Variants in ROBO1 observed in about 807,000 individuals in gnomAD.
ROBO1 encodes the protein roundabout guidance receptor 1.
A neutral mutation model predicts 195.9 loss-of-function variants in ROBO1; 149 were observed. The ratio of observed to expected loss-of-function variants is 0.76; its 90% CI spans 0.67 to 0.87. ROBO1 has a LOEUF of 0.87. ROBO1 is among the 40% of genes least tolerant of loss of function. The probability of loss-of-function intolerance (pLI) is 0.00; values close to 1 mark genes in which losing one functional copy is unlikely to be tolerated. For missense variants in ROBO1, 1,933 were observed against 2,068.3 expected (o/e 0.93, Z 1.27); for synonymous variants, 816 against 733.2 (o/e 1.11, Z -1.82).
At chr3:78,691,630 A>G (rs893554485) in intron 8 of ROBO1, among the ~76,000 whole-genome samples, 11 of 152,190 alleles carry the variant, frequency 7.2e-5, no homozygotes, top group African/African-American at 2.4e-4. Flanking sequence ...GTCTGAAAAT[A>G]TGCAAAGATC....
In ROBO1 at chr3:79,615,729, C is replaced by A. The variant is rs1349126721; in HGVS notation, c.-50-25768G>T. On this transcript the variant is annotated intron_variant, in intron 1 of 30. Coordinates refer to ENST00000464233, the MANE Select transcript of ROBO1 (RefSeq NM_002941.4). Reference sequence around the variant, plus strand: ...ATAGATTAGAAAGCCCAGAAGTAGACCCAGACAAATACAGACTCATACATA... The same window carrying A: ...ATAGATTAGAAAGCCCAGAAGTAGAACCAGACAAATACAGACTCATACATA... 2.6e-5 allele frequency among the ~76,000 whole-genome samples: 4 copies of A among 152,078 alleles called. No homozygotes were observed. In the East Asian group the frequency reaches 7.7e-4, roughly 29 times the overall value.
chr3:78,860,326 A>ATATATATATATATATATATATT (rs376853384), intron 4 of ROBO1, among the ~76,000 whole-genome samples: 2 of 93,504 alleles, frequency 2.1e-5, no homozygotes, highest in Non-Finnish European at 4.0e-5. Context: ...ATATATATAT[A>ATATATATATATATATATATATT]TTTTTTTTTT....
chr3:79,626,349 A>T (rs942460802), intron 1 of ROBO1, among the ~76,000 whole-genome samples: 5 of 152,146 alleles, frequency 3.3e-5, no homozygotes, highest in Non-Finnish European at 5.9e-5. Flanking sequence ...AGGCAGGAAT[A>T]TCACTTGAAC....
intron 1 of ROBO1, among the ~76,000 whole-genome samples, chr3:79,667,887 T>C (rs1485524511): frequency 1.3e-5 from 2 of 151,678 alleles, no homozygotes; most frequent in Admixed American, 6.6e-5. Context: ...CAAAAAAAAA[T>C]CTCATTTGGA....
At chr3:79,013,150 A>T (rs2077829083) in intron 3 of ROBO1, among the ~76,000 whole-genome samples, 1 of 152,112 alleles carries the variant, frequency 6.6e-6, no homozygotes, top group Non-Finnish European at 1.5e-5. Flanking sequence ...CCAGAGCCTA[A>T]GAGCAACCAC....
At chr3:78,999,499 T>C (rs1277282798) in intron 3 of ROBO1, among the ~76,000 whole-genome samples, 1 of 151,980 alleles carries the variant, frequency 6.6e-6, no homozygotes, top group Non-Finnish European at 1.5e-5. Flanking sequence ...ATTTGGGTAC[T>C]CATGGACATA....
chr3:79,140,320 A>G (rs2080498184), intron 2 of ROBO1, among the ~76,000 whole-genome samples: 1 of 152,160 alleles, frequency 6.6e-6, no homozygotes, highest in Admixed American at 6.6e-5. Flanking sequence ...ATATTTTGGA[A>G]TCACTACAGC....
chr3:78,793,135 CAA>C (rs34409991), intron 4 of ROBO1, among the ~76,000 whole-genome samples: 281 of 139,100 alleles, frequency 2.0e-3, no homozygotes, highest in Admixed American at 2.4e-3. Context: ...AAAACAAAAC[CAA>C]AAAAAAAAAA....
At chr3:78,841,178 G>A (rs1359743962) in intron 4 of ROBO1, among the ~76,000 whole-genome samples, 1 of 151,948 alleles carries the variant, frequency 6.6e-6, no homozygotes, top group East Asian at 1.9e-4. Flanking sequence ...TTCAAAATAG[G>A]ATAATGAGGA....
intron 4 of ROBO1, chr3:78,938,397 T>C (rs1013145390): frequency 2.7e-5 from 14 of 516,748 alleles, no homozygotes; most frequent in Non-Finnish European, 4.4e-5. Context: ...TAACCAACTG[T>C]GTGTAAATAC....
intron 2 of ROBO1, among the ~76,000 whole-genome samples, chr3:79,510,296 G>C (rs1231415383): frequency 2.6e-5 from 4 of 152,166 alleles, no homozygotes; most frequent in Non-Finnish European, 5.9e-5. Flanking sequence ...ATTATGAGGG[G>C]CTTTGCCCCC....
rs1483693681 is a variant in ROBO1 at position 79,356,088 on chromosome 3, C to G, written c.89-230549G>C. Among the ~76,000 whole-genome samples the G allele has an allele frequency of 3.3e-5, 5 of 152,246 alleles. No individual in the cohort carries two copies. In the East Asian group the frequency reaches 9.7e-4, roughly 29 times the overall value. On this transcript the variant is annotated intron_variant, in intron 2 of 30. Coordinates refer to ENST00000464233, the MANE Select transcript of ROBO1 (RefSeq NM_002941.4). ...AGAAATGGTGGCTCACACTTGTAAT[C>G]CCATTATTTTGGGAGGCCGAGGCAG... is the stretch of plus-strand genomic sequence containing the variant.
chr3:78,844,298 T>G lies in ROBO1; in HGVS notation c.499+94303A>C, dbSNP rs187062787. Among the ~76,000 whole-genome samples, 7 of 152,282 alleles carry G rather than the reference T, an allele frequency of 4.6e-5. No homozygotes were observed. In the East Asian group the frequency reaches 7.7e-4, roughly 17 times the overall value. On this transcript the variant is annotated intron_variant, in intron 4 of 30. Coordinates refer to ENST00000464233, the MANE Select transcript of ROBO1 (RefSeq NM_002941.4). ...CTTCTAAGAGAATTGTTTGTGTTTTTGGACTCAATAAAGATTTTTCTGACC... is the reference window on the plus strand; with the variant it reads ...CTTCTAAGAGAATTGTTTGTGTTTTGGGACTCAATAAAGATTTTTCTGACC...
intron 3 of ROBO1, among the ~76,000 whole-genome samples, chr3:79,068,750 G>A (rs575084828): frequency 6.6e-6 from 1 of 151,298 alleles, no homozygotes; most frequent in South Asian, 2.1e-4. Context: ...AAAAATCATC[G>A]CCTTATCAGC....
chr3:79,319,484 A>G (rs2033882591), intron 2 of ROBO1, among the ~76,000 whole-genome samples: 1 of 152,186 alleles, frequency 6.6e-6, no homozygotes, highest in South Asian at 2.1e-4. Context: ...TTCCCTGTTT[A>G]TCAAGTAAGT....
chr3:78,788,439 TTAAAAAA>T (rs1274542133), intron 4 of ROBO1, among the ~76,000 whole-genome samples: 11 of 110,374 alleles, frequency 1.0e-4, no homozygotes, highest in Non-Finnish European at 2.0e-4. Context: ...TTTTTTTTTT[TTAAAAAA>T]AAAAAAAAAA....
chr3:79,618,494 G>A (rs1330557551), intron 1 of ROBO1, among the ~76,000 whole-genome samples: 2 of 152,064 alleles, frequency 1.3e-5, no homozygotes. Context: ...TGGACAATGA[G>A]TGTCAGAAGC....
chr3:79,587,229 A>G (rs1426871747), intron 2 of ROBO1, among the ~76,000 whole-genome samples: 1 of 144,694 alleles, frequency 6.9e-6, no homozygotes, highest in Admixed American at 6.9e-5. Flanking sequence ...ATGAAAAATG[A>G]AAAAAAAAAT....
chr3:79,623,639 C>T (rs1157816402), intron 1 of ROBO1, among the ~76,000 whole-genome samples: 1 of 151,732 alleles, frequency 6.6e-6, no homozygotes, highest in Non-Finnish European at 1.5e-5. Flanking sequence ...GCAGACAAGA[C>T]TAGAGAAAAC....
Sources: allele counts gnomAD v4.1 joint callset (sites outside exome capture counted in the v4.1 genomes callset), GRCh38; gene constraint gnomAD v4.1.1; transcripts MANE v1.5; gene names NCBI Gene and HGNC (gene_info 2026-07-23, HGNC 2026-07-21).